The following KIAA2012 variants were observed in gnomAD, a reference collection of about 807,000 sequenced individuals.
KIAA2012 encodes KIAA2012.
Under a neutral mutation model 150.6 loss-of-function variants are expected in KIAA2012, and 125 were observed. That is an observed-to-expected ratio of 0.83 (90% CI 0.72 to 0.96). KIAA2012 has a LOEUF of 0.96. Among genes scored for constraint, KIAA2012 ranks in the 40% least tolerant of loss-of-function variants. KIAA2012 has a pLI of 0.00. For missense variants in KIAA2012, 1,219 were observed against 1,354.9 expected, an observed-to-expected ratio of 0.90 and a Z score of 1.57; for synonymous variants, 462 against 504.7, an observed-to-expected ratio of 0.92 and a Z score of 1.13.
At chr2:202,200,033 C>T (rs1163268718) in intron 22 of KIAA2012, among the ~76,000 whole-genome samples, 3 of 143,884 alleles carry the variant, frequency 2.1e-5, no homozygotes, top group Admixed American at 7.3e-5. Context: ...CCGGTTCAAG[C>T]GATTCTCCTG....
At chr2:202,194,714 G>A (rs1030741205) in intron 21 of KIAA2012, among the ~76,000 whole-genome samples, 3 of 152,118 alleles carry the variant, frequency 2.0e-5, no homozygotes, top group Non-Finnish European at 4.4e-5. Context: ...AGGTGCTGAT[G>A]TGTGGAATCT....
chr2:202,076,085 C>T (rs1436891060), intron 2 of KIAA2012, among the ~76,000 whole-genome samples: 1 of 152,250 alleles, frequency 6.6e-6, no homozygotes, highest in Non-Finnish European at 1.5e-5. Context: ...GGCAAGCTCC[C>T]ACCCATCCTT....
chr2:202,154,029 G>A (rs1333405686), intron 13 of KIAA2012, among the ~76,000 whole-genome samples: 1 of 152,178 alleles, frequency 6.6e-6, no homozygotes, highest in Non-Finnish European at 1.5e-5. Flanking sequence ...ATTCTGTGGT[G>A]TCCTGAAATG....
At chr2:202,075,921 G>A (rs1271094973) in intron 2 of KIAA2012, among the ~76,000 whole-genome samples, 1 of 152,180 alleles carries the variant, frequency 6.6e-6, no homozygotes, top group Admixed American at 6.5e-5. Context: ...TTCACACATT[G>A]GCTTTTCTGC....
rs1559215741 is a variant in KIAA2012, at chr2:202,133,112, ATATATAT to A, written c.1832-5319_1832-5313del. The stretch of plus-strand genomic sequence containing the variant: ...AGTGTGAGACTGTCTAAAAAAAAAT[ATATATAT>A]ATATATATATATTTTTTTTTTTTCT... On this transcript the variant is annotated intron_variant, in intron 12 of 23. Coordinates refer to ENST00000498697, the MANE Select transcript of KIAA2012 (RefSeq NM_001277372.4). Among the ~76,000 whole-genome samples the A allele has an allele frequency of 1.7e-4, 15 of 88,830 alleles. 2 individuals are homozygous for A. The highest frequency in any genetic ancestry group is 2.5e-4 in the African/African-American group (5 of 19,974). 58.3% of individuals were successfully genotyped at this position (88,830 alleles called of 152,430 possible).
At chr2:202,101,187 G>A (rs1690035113) in intron 7 of KIAA2012, among the ~76,000 whole-genome samples, 1 of 152,226 alleles carries the variant, frequency 6.6e-6, no homozygotes, top group Admixed American at 6.5e-5. Context: ...TGTTGTATCT[G>A]ACTGTGATCT....
rs961238110 is a variant in KIAA2012, at chr2:202,196,859, C to T, written c.3247C>T (p.Leu1083=). 1 of 1,550,506 alleles carries T rather than the reference C, an allele frequency of 6.4e-7. No homozygotes were observed. The highest frequency in any genetic ancestry group is 1.4e-5 in the African/African-American group (1 of 73,024). The change falls in exon 22 of 24, where the codon CTG becomes TTG. Residue 1083 remains leucine (L), a synonymous_variant. Transcript: ENST00000498697. ...GCAGTTAGAAGAAGAACAAAAACAC[C>T]TGATGGAAATGGCTGAAGAGGAACG... ...EMQLEEEQKH[L]MEMAEEERLE...
At chr2:202,182,020 A>G (rs75155561) in intron 15 of KIAA2012, among the ~76,000 whole-genome samples, 5,372 of 149,220 alleles carry the variant, frequency 0.036, 312 homozygotes, top group African/African-American at 0.13. Flanking sequence ...ACAACAACTG[A>G]TGTGTTTTCT....
At chr2:202,168,158 C>T (rs1691808917) in intron 15 of KIAA2012, among the ~76,000 whole-genome samples, 1 of 152,006 alleles carries the variant, frequency 6.6e-6, no homozygotes, top group East Asian at 1.9e-4. Flanking sequence ...TGGTGGCTTA[C>T]ACCTGTAATC....
intron 13 of KIAA2012, among the ~76,000 whole-genome samples, chr2:202,140,827 A>T (rs886872889): frequency 6.6e-6 from 1 of 152,076 alleles, no homozygotes; most frequent in Non-Finnish European, 1.5e-5. Flanking sequence ...GGACATCACA[A>T]TACTGATCTT....
intron 11 of KIAA2012, among the ~76,000 whole-genome samples, chr2:202,123,240 CAG>C (rs1434002106): frequency 6.6e-6 from 1 of 152,222 alleles, no homozygotes; most frequent in Non-Finnish European, 1.5e-5. Context: ...GCCTGACACA[CAG>C]AGCTTTCTCT....
At chr2:202,097,370 GGAGGCAGCAAGA>G in intron 4 of KIAA2012, 53 bp from the exon 5 acceptor site, 1 of 1,538,698 alleles carries the variant, frequency 6.5e-7, no homozygotes, top group Non-Finnish European at 8.8e-7. Flanking sequence ...GAGGCAGTTT[GGAGGCAGCAAGA>G]ACACCACGTC....
At chr2:202,080,497 C>T (rs573052921) in intron 2 of KIAA2012, among the ~76,000 whole-genome samples, 8 of 151,964 alleles carry the variant, frequency 5.3e-5, no homozygotes, top group South Asian at 2.1e-4. Flanking sequence ...AGTTCAAGAC[C>T]GGCCTGACCA....
chr2:202,092,990 T>G (rs760411402), intron 3 of KIAA2012, 40 bp from the exon 4 acceptor site: 365 of 1,522,438 alleles, frequency 2.4e-4, no homozygotes, highest in Non-Finnish European at 3.1e-4. Flanking sequence ...TGAAGTTGGC[T>G]ACCACTATTT....
At chr2:202,178,863 A>G in intron 15 of KIAA2012, 1 of 213,978 alleles carries the variant, frequency 4.7e-6, no homozygotes, top group Non-Finnish European at 9.3e-6. Context: ...GTAGAAGTAG[A>G]AGAAAACCAA....
Position 202,196,860 on chromosome 2 carries a change from T to C in KIAA2012, c.3248T>C (p.Leu1083Pro). Residue 1083 changes from leucine (L) to proline (P), a missense_variant, in exon 22 of 24, where the codon CTG becomes CCG. Coordinates refer to ENST00000498697, the MANE Select transcript of KIAA2012 (RefSeq NM_001277372.4). ...EMQLEEEQKHLMEMAEEERLE... is the reference protein window; with the variant it reads ...EMQLEEEQKHPMEMAEEERLE... ...CAGTTAGAAGAAGAACAAAAACACCTGATGGAAATGGCTGAAGAGGAACGA... is the reference window on the plus strand; with the variant it reads ...CAGTTAGAAGAAGAACAAAAACACCCGATGGAAATGGCTGAAGAGGAACGA... 6.4e-7 allele frequency: 1 copy of C among 1,550,462 alleles called. No homozygotes were observed. Among genetic ancestry groups the C allele is most frequent in the Non-Finnish European group, 8.7e-7 (1 of 1,146,970 alleles).
chr2:202,133,674 T>A (rs1691007345), intron 12 of KIAA2012, among the ~76,000 whole-genome samples: 1 of 152,206 alleles, frequency 6.6e-6, no homozygotes, highest in South Asian at 2.1e-4. Context: ...CTCCAGCAAC[T>A]ATTCCCTACG....
At chr2:202,075,427 A>G (rs1369793832) in intron 2 of KIAA2012, among the ~76,000 whole-genome samples, 1 of 152,194 alleles carries the variant, frequency 6.6e-6, no homozygotes. Flanking sequence ...TCATCATTTT[A>G]TGTTTTCCTT....
At chr2:202,107,036 C>T (rs1690213989) in intron 9 of KIAA2012, among the ~76,000 whole-genome samples, 1 of 152,304 alleles carries the variant, frequency 6.6e-6, no homozygotes, top group South Asian at 2.1e-4. Context: ...GTACTCCTCA[C>T]AGCAATCCTC....
Sources: allele counts gnomAD v4.1 joint callset (sites outside exome capture counted in the v4.1 genomes callset), GRCh38; gene constraint gnomAD v4.1.1; transcripts MANE v1.5; gene names NCBI Gene and HGNC (gene_info 2026-07-23, HGNC 2026-07-21).